The following PACRG variants were observed in gnomAD, a reference collection of about 807,000 sequenced individuals.
PACRG encodes the protein parkin coregulated gene protein.
Under a neutral mutation model 29.7 loss-of-function variants are expected in PACRG, and 29 were observed. The ratio of observed to expected loss-of-function variants is 0.98; its 90% CI spans 0.73 to 1.33. The LOEUF is 1.33. PACRG is among the 40% of genes most tolerant of loss of function. The pLI, the probability that PACRG is intolerant of heterozygous loss-of-function variation, is 0.00. For missense variants in PACRG, 279 were observed against 316.2 expected, an observed-to-expected ratio of 0.88 and a Z score of 0.89; for synonymous variants, 116 against 118.7, an observed-to-expected ratio of 0.98 and a Z score of 0.15.
intron 2 of PACRG, among the ~76,000 whole-genome samples, chr6:162,921,270 A>G (rs1030865203): frequency 6.6e-6 from 1 of 152,168 alleles, no homozygotes; most frequent in Non-Finnish European, 1.5e-5. Flanking sequence ...TCCTGCTAGA[A>G]GACCGGGGGG....
chr6:163,114,257 A>G (rs1815862571), intron 4 of PACRG, among the ~76,000 whole-genome samples: 1 of 151,434 alleles, frequency 6.6e-6, no homozygotes, highest in Non-Finnish European at 1.5e-5. Flanking sequence ...TCTCAAAAAC[A>G]ACAACAACAA....
intron 1 of PACRG, among the ~76,000 whole-genome samples, chr6:162,740,261 G>T (rs949445718): frequency 1.3e-5 from 2 of 151,870 alleles, no homozygotes; most frequent in Non-Finnish European, 2.9e-5. Flanking sequence ...AATTTCCTTG[G>T]AGATTTTAAC....
At chr6:162,728,507 A>G in intron 1 of PACRG, 116 bp downstream of exon 1, 2 of 1,293,618 alleles carry the variant, frequency 1.5e-6, no homozygotes, top group South Asian at 2.9e-5. Context: ...TCTTTGCCAA[A>G]AAAGGCAGTT....
intron 2 of PACRG, among the ~76,000 whole-genome samples, chr6:162,917,980 A>C (rs1796812346): frequency 6.6e-6 from 1 of 152,194 alleles, no homozygotes; most frequent in Non-Finnish European, 1.5e-5. Flanking sequence ...TGCTCATCTA[A>C]CTTAGTTAAA....
At chr6:163,058,064 C>T (rs1012905782) in intron 2 of PACRG, among the ~76,000 whole-genome samples, 1 of 152,162 alleles carries the variant, frequency 6.6e-6, no homozygotes, top group African/African-American at 2.4e-5. Context: ...GATAAAAATA[C>T]TCATAAATGG....
intron 1 of PACRG, among the ~76,000 whole-genome samples, chr6:162,769,528 G>A (rs938301992): frequency 2.0e-5 from 3 of 151,964 alleles, no homozygotes; most frequent in Non-Finnish European, 4.4e-5. Flanking sequence ...TGGTTTTTGT[G>A]CCTCGTCTAT....
At chr6:163,177,710 A>ATTTTTTTTTTTTTTTTTTTTTTTTTTTT (rs398003265) in intron 4 of PACRG, among the ~76,000 whole-genome samples, 3 of 53,744 alleles carry the variant, frequency 5.6e-5, no homozygotes, top group Non-Finnish European at 3.1e-5. Context: ...TAGAAAAGGG[A>ATTTTTTTTTTTTTTTTTTTTTTTTTTTT]TTTTTTTTTT....
chr6:162,839,082 A>T (rs1431039959), intron 2 of PACRG, among the ~76,000 whole-genome samples: 2 of 135,888 alleles, frequency 1.5e-5, no homozygotes, highest in Non-Finnish European at 3.1e-5. Flanking sequence ...TAGCAGCATG[A>T]TTTATAGTCC....
chr6:163,225,155 A>C (rs925783406), intron 4 of PACRG, among the ~76,000 whole-genome samples: 1 of 152,236 alleles, frequency 6.6e-6, no homozygotes, highest in Non-Finnish European at 1.5e-5. Context: ...ATATCTCTTC[A>C]CACCTATTAG....
chr6:162,912,593 A>C (rs1174915163), intron 2 of PACRG, among the ~76,000 whole-genome samples: 1 of 142,130 alleles, frequency 7.0e-6, no homozygotes, highest in Non-Finnish European at 1.5e-5. Context: ...TTTTTTTGAG[A>C]TGGAGTCTTA....
intron 1 of PACRG, among the ~76,000 whole-genome samples, chr6:162,795,327 G>A (rs548621515): frequency 5.3e-4 from 81 of 152,106 alleles, no homozygotes; most frequent in Admixed American, 9.2e-4. Context: ...GACTATATGC[G>A]CCTGTTGGAA....
rs555886629 is a variant in PACRG at position 163,055,767 on chromosome 6, G to A, written c.292-6383G>A. Among the ~76,000 whole-genome samples the A allele has an allele frequency of 3.3e-5, 5 of 152,188 alleles. No homozygotes were observed. In the South Asian group the frequency reaches 1.0e-3, roughly 32 times the overall value. ...GGCAGTAAGTACTCTCATACAGTGT[G>A]ACCATGACCACCATCTAGTTCCAGA... On this transcript the variant is annotated intron_variant, in intron 2 of 4. Transcript: ENST00000366888. The surrounding 1 kb of genome is among the most constrained non-coding windows in gnomAD (Gnocchi z 4.0).
intron 4 of PACRG, among the ~76,000 whole-genome samples, chr6:163,114,591 T>C (rs912096813): frequency 6.6e-6 from 1 of 152,062 alleles, no homozygotes; most frequent in Non-Finnish European, 1.5e-5. Context: ...CTAAGTAAAA[T>C]AAGCCAGACA....
intron 2 of PACRG, among the ~76,000 whole-genome samples, chr6:162,970,585 A>C (rs928159718): frequency 1.3e-5 from 2 of 152,200 alleles, no homozygotes; most frequent in African/African-American, 4.8e-5. Flanking sequence ...AATCGTGCCA[A>C]ATAGATATCA....
intron 2 of PACRG, among the ~76,000 whole-genome samples, chr6:162,904,124 C>T (rs1346500950): frequency 6.6e-6 from 1 of 152,220 alleles, no homozygotes; most frequent in Non-Finnish European, 1.5e-5. Flanking sequence ...TTCAGAACCT[C>T]AGCTTTTCCT....
At chr6:163,290,985 C>T (rs1276308905) in intron 4 of PACRG, among the ~76,000 whole-genome samples, 1 of 152,178 alleles carries the variant, frequency 6.6e-6, no homozygotes, top group East Asian at 1.9e-4. Flanking sequence ...TTCTCCCACT[C>T]CTCGGAACAT....
At chr6:162,914,580 A>C (rs547027901) in intron 2 of PACRG, among the ~76,000 whole-genome samples, 4 of 141,148 alleles carry the variant, frequency 2.8e-5, no homozygotes, top group East Asian at 4.1e-4. Flanking sequence ...AATTTAAAAA[A>C]TCAACTTGCC....
At chr6:163,124,817 T>C (rs560419581) in intron 4 of PACRG, among the ~76,000 whole-genome samples, 1 of 152,358 alleles carries the variant, frequency 6.6e-6, no homozygotes, top group South Asian at 2.1e-4. Context: ...GTAATTAATA[T>C]GGCTGTAAAT....
intron 2 of PACRG, among the ~76,000 whole-genome samples, chr6:162,961,524 T>C (rs1800616853): frequency 1.3e-5 from 2 of 152,206 alleles, no homozygotes; most frequent in Admixed American, 6.5e-5. Flanking sequence ...ACCAGGCACC[T>C]GGATTACAAA....
Sources: gnomAD v4.1 joint callset for allele counts (sites outside exome capture counted in the v4.1 genomes callset) on GRCh38, gnomAD v4.1.1 for gene constraint, Gnocchi (gnomAD v3.1) non-coding constraint, MANE v1.5 for transcripts, NCBI Gene and HGNC (gene_info 2026-07-23, HGNC 2026-07-21) for gene names.